Variants in IGBP1C observed in about 807,000 individuals in gnomAD.
IGBP1C encodes the protein IGBP1 family member C, also known as immunoglobulin-binding protein 1 family member C.
At chr17:58,675,617 G>A in the IGBP1C span, among the ~76,000 whole-genome samples, 1 of 152,112 alleles carries the variant, frequency 6.6e-6, no homozygotes, top group East Asian at 1.9e-4. Flanking sequence ...TTAACAGATG[G>A]TTTCCCCATC....
chr17:58,684,449 C>T, the IGBP1C span, among the ~76,000 whole-genome samples: 2 of 147,750 alleles, frequency 1.4e-5, no homozygotes, highest in Middle Eastern at 3.5e-3. Context: ...GCAACAAGAG[C>T]GAAACTCCGT....
chr17:58,664,112 T>C, the IGBP1C span, among the ~76,000 whole-genome samples: 6 of 152,202 alleles, frequency 3.9e-5, no homozygotes, highest in African/African-American at 1.4e-4. Flanking sequence ...TTTAGGACAA[T>C]TGCTGGATTA....
At chr17:58,676,806 C>T in the IGBP1C span, among the ~76,000 whole-genome samples, 3 of 151,638 alleles carry the variant, frequency 2.0e-5, no homozygotes, top group East Asian at 3.9e-4. Flanking sequence ...GGCAACATAG[C>T]GAGACCCTAT....
the IGBP1C span, among the ~76,000 whole-genome samples, chr17:58,677,269 G>A: frequency 6.6e-6 from 1 of 152,148 alleles, no homozygotes; most frequent in Non-Finnish European, 1.5e-5. Flanking sequence ...TGGGAGACAA[G>A]AGCAAGACCC....
chr17:58,673,847 C>T, the IGBP1C span, among the ~76,000 whole-genome samples: 2 of 152,138 alleles, frequency 1.3e-5, no homozygotes, highest in African/African-American at 4.8e-5. Flanking sequence ...GGATTATAGA[C>T]GTGAGCCACC....
the IGBP1C span, among the ~76,000 whole-genome samples, chr17:58,678,188 T>C: frequency 1.3e-5 from 2 of 152,108 alleles, no homozygotes; most frequent in East Asian, 1.9e-4. Flanking sequence ...ATGTGATTGA[T>C]TTAAGATGAA....
At chr17:58,689,748 AC>A in the IGBP1C span, among the ~76,000 whole-genome samples, 3 of 152,104 alleles carry the variant, frequency 2.0e-5, no homozygotes, top group African/African-American at 7.2e-5. Flanking sequence ...GGTTTCAAAA[AC>A]CTGGATCCCA....
the IGBP1C span, among the ~76,000 whole-genome samples, chr17:58,664,905 C>T: frequency 6.6e-6 from 1 of 152,168 alleles, no homozygotes; most frequent in Non-Finnish European, 1.5e-5. Flanking sequence ...GGTTCAGTGG[C>T]ACTGAGTGGA....
the IGBP1C span, among the ~76,000 whole-genome samples, chr17:58,684,772 C>T: frequency 1.3e-5 from 2 of 151,946 alleles, no homozygotes; most frequent in South Asian, 2.1e-4. Context: ...GTCAGGAGTT[C>T]GAGATCAGCC....
chr17:58,665,168 T>G, the IGBP1C span, among the ~76,000 whole-genome samples: 1 of 152,056 alleles, frequency 6.6e-6, no homozygotes, highest in Non-Finnish European at 1.5e-5. Flanking sequence ...TATTATTTTA[T>G]ATTTATAGAG....
chr17:58,665,749 GAA>G, the IGBP1C span, among the ~76,000 whole-genome samples: 1 of 145,286 alleles, frequency 6.9e-6, no homozygotes, highest in South Asian at 2.2e-4. Context: ...AAGAAACAAT[GAA>G]AAAAAAAAAT....
At chr17:58,665,197 G>A in the IGBP1C span, among the ~76,000 whole-genome samples, 1 of 151,934 alleles carries the variant, frequency 6.6e-6, no homozygotes, top group African/African-American at 2.4e-5. Flanking sequence ...TCGCTATGCT[G>A]CCCAGTCTGG....
the IGBP1C span, among the ~76,000 whole-genome samples, chr17:58,684,263 A>C: frequency 6.6e-6 from 1 of 151,776 alleles, no homozygotes; most frequent in African/African-American, 2.4e-5. Context: ...GGAGCATGAG[A>C]CCAGCCTGAC....
chr17:58,670,425 A>T, the IGBP1C span, among the ~76,000 whole-genome samples: 3 of 145,620 alleles, frequency 2.1e-5, no homozygotes, highest in South Asian at 2.1e-4. Context: ...TGGGAAGATT[A>T]AAAAAAAAAA....
chr17:58,666,025 G>A, the IGBP1C span, among the ~76,000 whole-genome samples: 2 of 151,234 alleles, frequency 1.3e-5, no homozygotes, highest in East Asian at 1.9e-4. Context: ...CTCCAGCCTG[G>A]GAGACGGCGA....
the IGBP1C span, among the ~76,000 whole-genome samples, chr17:58,664,258 A>G: frequency 6.6e-6 from 1 of 152,208 alleles, no homozygotes; most frequent in Non-Finnish European, 1.5e-5. Flanking sequence ...AATGGTATCC[A>G]TGAATGCCAG....
chr17:58,664,141 G>A, the IGBP1C span, among the ~76,000 whole-genome samples: 1 of 152,204 alleles, frequency 6.6e-6, no homozygotes, highest in Non-Finnish European at 1.5e-5. Context: ...CACAAAGTGT[G>A]ACCCAGCCCA....
chr17:58,690,565 G>A, the IGBP1C span, among the ~76,000 whole-genome samples: 1 of 152,248 alleles, frequency 6.6e-6, no homozygotes, highest in Admixed American at 6.5e-5. Context: ...TGTTGAATGT[G>A]GTAATACCAT....
the IGBP1C span, among the ~76,000 whole-genome samples, chr17:58,689,189 A>G: frequency 1.3e-5 from 2 of 151,710 alleles, no homozygotes; most frequent in Non-Finnish European, 2.9e-5. Context: ...CGGCCTCCCA[A>G]AGTGCTGTGA....
Sources: allele counts gnomAD v4.1 joint callset (sites outside exome capture counted in the v4.1 genomes callset), GRCh38; gene constraint gnomAD v4.1.1; transcripts MANE v1.5; gene names NCBI Gene and HGNC (gene_info 2026-07-23, HGNC 2026-07-21).